The following ZNF559 variants were observed in gnomAD, a reference collection of about 807,000 sequenced individuals.
ZNF559 encodes zinc finger protein 559.
In ZNF559, 17 loss-of-function variants were observed where a neutral mutation model predicts 14.2. That is an observed-to-expected ratio of 1.20 (90% CI 0.82 to 1.80). The LOEUF (loss-of-function observed/expected upper bound fraction) is 1.80, where lower values mean the gene tolerates loss of function less well. Ranked by LOEUF, ZNF559 falls within the 40% of genes most tolerant of loss-of-function variation. The probability of loss-of-function intolerance (pLI) is 0.00; values close to 1 mark genes in which losing one functional copy is unlikely to be tolerated. For missense variants in ZNF559, 740 were observed against 629.7 expected (o/e 1.18, Z -1.88); for synonymous variants, 244 against 212.4 (o/e 1.15, Z -1.29).
intron 4 of ZNF559, 141 bp from the exon 5 acceptor site, chr19:9,339,052 A>T (rs2067395949): frequency 4.5e-6 from 5 of 1,110,378 alleles, no homozygotes; most frequent in Non-Finnish European, 6.6e-6. Context: ...ATGTACAGAC[A>T]GGGGAGAAGA....
chr19:9,330,790 C>T (rs566725762), intron 2 of ZNF559, among the ~76,000 whole-genome samples: 1 of 152,298 alleles, frequency 6.6e-6, no homozygotes, highest in Admixed American at 6.5e-5. Context: ...AGGTTATTCA[C>T]AGGTCTCCAT....
rs1477112469 is a variant in ZNF559, at chr19:9,341,198, G to A, written c.243+14G>A. Reference sequence around the variant, plus strand: ...GTGGTGGAAATGGTAAGATTCAGAAGGTATAATTTATTGTCTTCCATGTTA... The same window carrying A: ...GTGGTGGAAATGGTAAGATTCAGAAAGTATAATTTATTGTCTTCCATGTTA... On this transcript the variant is annotated intron_variant, in intron 6 of 6. Transcript: ENST00000603380. 1 of 1,611,280 alleles carries A rather than the reference G, an allele frequency of 6.2e-7. No individual in the cohort carries two copies. Among genetic ancestry groups the A allele is most frequent in the Admixed American group, 1.7e-5 (1 of 60,010 alleles).
At chr19:9,328,901 AAGTGGGATATTTC>A (rs1183384410) in intron 2 of ZNF559, among the ~76,000 whole-genome samples, 1 of 152,188 alleles carries the variant, frequency 6.6e-6, no homozygotes, top group Non-Finnish European at 1.5e-5. Flanking sequence ...CTCCAGGTGA[AAGTGGGATATTTC>A]AGTCTTTCTG....
intron 2 of ZNF559, among the ~76,000 whole-genome samples, chr19:9,328,109 T>C (rs898434670): frequency 3.3e-5 from 5 of 152,160 alleles, no homozygotes; most frequent in Non-Finnish European, 7.4e-5. Context: ...TTTTTCCTTA[T>C]GTTTGTATCT....
At chr19:9,338,123 C>A in intron 3 of ZNF559, 1 of 953,972 alleles carries the variant, frequency 1.0e-6, no homozygotes, top group Non-Finnish European at 1.6e-6. Context: ...TTTGAGATAC[C>A]TAGAAGAGGC....
At chr19:9,328,738 G>A (rs143786440) in intron 2 of ZNF559, among the ~76,000 whole-genome samples, 31 of 152,214 alleles carry the variant, frequency 2.0e-4, no homozygotes, top group Admixed American at 1.0e-3. Flanking sequence ...GTCATCATCC[G>A]TATCTGGGTG....
At chr19:9,327,748 TA>T (rs1168096761) in intron 2 of ZNF559, among the ~76,000 whole-genome samples, 2 of 92,896 alleles carry the variant, frequency 2.2e-5, no homozygotes, top group Admixed American at 1.0e-4. Context: ...CAACTTATTC[TA>T]ATTTTTTTTT....
At chr19:9,324,583 C>T (rs1461105014) in intron 1 of ZNF559, 112 bp from the exon 2 acceptor site, 4 of 1,165,642 alleles carry the variant, frequency 3.4e-6, no homozygotes, top group Non-Finnish European at 1.2e-6. Flanking sequence ...TACTTGAGGC[C>T]AGGAGTTCAA....
At chr19:9,326,556 T>A (rs545124654) in intron 2 of ZNF559, among the ~76,000 whole-genome samples, 1 of 152,342 alleles carries the variant, frequency 6.6e-6, no homozygotes, top group Admixed American at 6.5e-5. Context: ...GTTACAGTGG[T>A]ACTGTCTAAT....
rs780880024 is a variant in ZNF559, at chr19:9,342,868, G to GC, written c.1419dup (p.Phe474LeufsTer17). The GC allele has an allele frequency of 6.2e-7, 1 of 1,614,074 alleles. No homozygotes were observed. On this transcript the variant is annotated frameshift_variant, in exon 7 of 7. Coordinates refer to ENST00000603380, the MANE Select transcript of ZNF559 (RefSeq NM_032497.3). LOFTEE classifies it low-confidence loss of function (END_TRUNC). ...ATATAAATGTCAAAAGTGTGGGCAA[G>GC]CCTTCAGTATCTCATCAGGCCTTAC...
At chr19:9,331,290 G>T (rs2066923180) in intron 2 of ZNF559, among the ~76,000 whole-genome samples, 1 of 152,118 alleles carries the variant, frequency 6.6e-6, no homozygotes, top group South Asian at 2.1e-4. Context: ...GTAGAGATGG[G>T]GTCTTGCTAT....
At chr19:9,325,230 A>G (rs1266573963) in intron 2 of ZNF559, among the ~76,000 whole-genome samples, 1 of 150,266 alleles carries the variant, frequency 6.7e-6, no homozygotes, top group Admixed American at 6.6e-5. Context: ...GGATCGCTTG[A>G]GCCCAGGAAT....
intron 3 of ZNF559, among the ~76,000 whole-genome samples, 181 bp from the exon 4 acceptor site, chr19:9,338,309 ACTCT>A (rs370297851): frequency 0.014 from 2,143 of 151,978 alleles, 23 homozygotes; most frequent in Non-Finnish European, 0.02. Context: ...GGATTGTTAA[ACTCT>A]CTCTCTCCTG....
At chr19:9,337,191 A>G (rs2067286058) in intron 2 of ZNF559, among the ~76,000 whole-genome samples, 1 of 152,200 alleles carries the variant, frequency 6.6e-6, no homozygotes, top group Non-Finnish European at 1.5e-5. Context: ...TCATACACTT[A>G]TGCCCAGCCC....
intron 2 of ZNF559, 175 bp from the exon 3 acceptor site, chr19:9,337,621 G>A (rs2067312554): frequency 1.1e-5 from 3 of 276,638 alleles, no homozygotes; most frequent in Non-Finnish European, 2.0e-5. Context: ...TAGTGTCTGA[G>A]CTTAGGTTTC....
At chr19:9,325,762 G>A (rs2066553275) in intron 2 of ZNF559, among the ~76,000 whole-genome samples, 1 of 147,558 alleles carries the variant, frequency 6.8e-6, no homozygotes, top group Non-Finnish European at 1.5e-5. Flanking sequence ...TTCCAGCCTG[G>A]GCAACAGTGC....
At chr19:9,324,256 G>C (rs1171690176) in intron 1 of ZNF559, 28 bp downstream of exon 1, 2 of 1,536,074 alleles carry the variant, frequency 1.3e-6, no homozygotes, top group Admixed American at 3.9e-5. Flanking sequence ...GGCGGCGTTC[G>C]GTGGTGTCCC....
At chr19:9,325,712 G>A (rs2066550208) in intron 2 of ZNF559, among the ~76,000 whole-genome samples, 1 of 151,868 alleles carries the variant, frequency 6.6e-6, no homozygotes, top group African/African-American at 2.4e-5. Context: ...CTTGAACCTG[G>A]GAGGCAGAGG....
At position 9,342,108 on chromosome 19, in the gene ZNF559, C is replaced by G. The variant is rs139671538; in HGVS notation, c.657C>G (p.Val219=). The G allele has an allele frequency of 3.1e-6, 5 of 1,613,292 alleles. No homozygotes were observed. Among genetic ancestry groups the G allele is most frequent in the East Asian group, 4.5e-5 (2 of 44,874 alleles). ...GERPYTHKEY[V]ETFSHSTALF... ...GACCATATACTCATAAGGAGTATGT[C>G]GAAACCTTTTCTCATTCTACAGCCC... Residue 219 remains valine, a synonymous_variant, in exon 7 of 7, where the codon GTC becomes GTG. Transcript: ENST00000603380.
Sources: allele counts gnomAD v4.1 joint callset (sites outside exome capture counted in the v4.1 genomes callset), GRCh38; gene constraint gnomAD v4.1.1; transcripts MANE v1.5; gene names NCBI Gene and HGNC (gene_info 2026-07-23, HGNC 2026-07-21).